Variants in RPS6KA6 observed in about 807,000 individuals in gnomAD.
The protein encoded by RPS6KA6 is ribosomal protein S6 kinase A6.
A neutral mutation model predicts 65.4 loss-of-function variants in RPS6KA6; 27 were observed. The observed-to-expected ratio is 0.41, with a 90% CI of 0.30 to 0.57. RPS6KA6 has a LOEUF of 0.57. Among genes scored for constraint, RPS6KA6 ranks in the 20% least tolerant of loss-of-function variants. The pLI, the probability that RPS6KA6 is intolerant of heterozygous loss-of-function variation, is 0.24. For missense variants in RPS6KA6, 486 were observed against 555.6 expected (o/e 0.87, Z 1.26); for synonymous variants, 190 against 184.2 (o/e 1.03, Z -0.26).
intron 12 of RPS6KA6, among the ~76,000 whole-genome samples, chrX:84,109,830 T>C (rs1227771705): frequency 9.0e-5 from 10 of 111,058 alleles, no homozygotes; most frequent in Admixed American, 5.7e-4. Flanking sequence ...ACAGGACTCA[T>C]ACATGCTGTC....
intron 2 of RPS6KA6, among the ~76,000 whole-genome samples, chrX:84,161,205 T>C (rs2074223369): frequency 1.8e-5 from 2 of 111,450 alleles, no homozygotes. Flanking sequence ...ACTTTCAACT[T>C]ACAGTGAGTT....
At chrX:84,094,549 G>A (rs2034115181) in intron 20 of RPS6KA6, among the ~76,000 whole-genome samples, 1 of 109,982 alleles carries the variant, frequency 9.1e-6, no homozygotes, top group African/African-American at 3.3e-5. Context: ...GGAGGCTGAG[G>A]CAGGAGAATG....
At chrX:84,108,966 T>C (rs1342895078) in intron 12 of RPS6KA6, among the ~76,000 whole-genome samples, 1 of 112,064 alleles carries the variant, frequency 8.9e-6, no homozygotes, top group Non-Finnish European at 1.9e-5. Context: ...TACATGTATA[T>C]ACTGGCCACA....
chrX:84,182,953 C>A (rs2035879350), intron 1 of RPS6KA6, among the ~76,000 whole-genome samples: 2 of 111,952 alleles, frequency 1.8e-5, no homozygotes, highest in Admixed American at 1.9e-4. Flanking sequence ...GGCCTAAGGC[C>A]CATTTAAAAA....
Position 84,063,841 on chromosome X carries a change from C to G in RPS6KA6, c.*436G>C, listed in dbSNP as rs1382299993. The G allele has an allele frequency of 2.7e-5, 3 of 111,849 alleles. No individual in the cohort carries two copies. Among genetic ancestry groups the G allele is most frequent in the Non-Finnish European group, 5.6e-5 (3 of 53,338 alleles). 9.2% of individuals were successfully genotyped at this position (111,849 alleles called of 1,213,427 possible). A position where few individuals can be genotyped will look rare whatever the true frequency, so the allele number is the denominator to read the frequency against. On this transcript the variant is annotated 3_prime_UTR_variant, in exon 22 of 22. Coordinates refer to ENST00000262752, the MANE Select transcript of RPS6KA6 (RefSeq NM_014496.5). The stretch of plus-strand genomic sequence containing the variant: ...TTTATAATAAGTTTTTGTTGTTTTT[C>G]TTTCATTAGAAAAAGCCTATCCTTC...
At chrX:84,090,223 C>T (rs919021623) in intron 20 of RPS6KA6, among the ~76,000 whole-genome samples, 3 of 111,791 alleles carry the variant, frequency 2.7e-5, no homozygotes, top group African/African-American at 9.8e-5. Flanking sequence ...TTCAGCAACA[C>T]CTGCTCTGAT....
chrX:84,161,671 G>T lies in RPS6KA6; in HGVS notation c.141+2657C>A, dbSNP rs1602476190. Among the ~76,000 whole-genome samples the T allele has an allele frequency of 2.7e-5, 3 of 111,574 alleles. 1 individual carries two copies. The Admixed American group carries it at 2.9e-4, about 11-fold the overall frequency. On this transcript the variant is annotated intron_variant, in intron 2 of 21. Transcript: ENST00000262752. ...CACTTGTAAAAAAGTATTTTTGAAAGAATTCTTAACAGACACATGTCAAGA... is the reference window on the plus strand; with the variant it reads ...CACTTGTAAAAAAGTATTTTTGAAATAATTCTTAACAGACACATGTCAAGA...
intron 18 of RPS6KA6, 150 bp downstream of exon 18, chrX:84,101,887 G>A (rs989539845): frequency 5.1e-6 from 2 of 389,627 alleles, no homozygotes; most frequent in South Asian, 8.7e-5. Flanking sequence ...TATATTAGGG[G>A]CTATGAGAAT....
chrX:84,140,733 CA>C (rs776505772), intron 6 of RPS6KA6, among the ~76,000 whole-genome samples: 1,465 of 41,478 alleles, frequency 0.035, 13 homozygotes, highest in East Asian at 0.079. Context: ...GACTCCATCT[CA>C]AAAAAAAAAA....
chrX:84,102,160 G>A lies in RPS6KA6; in HGVS notation c.1653C>T (p.Tyr551=). 1 of 1,169,439 alleles carries A rather than the reference G, an allele frequency of 8.6e-7. No homozygotes were observed. Among genetic ancestry groups the A allele is most frequent in the Non-Finnish European group, 1.1e-6 (1 of 870,127 alleles). The change falls in exon 18 of 22, where the codon TAC becomes TAT. Residue 551 remains tyrosine, a synonymous_variant. Coordinates refer to ENST00000262752, the MANE Select transcript of RPS6KA6 (RefSeq NM_014496.5). ...HRDLKPSNIL[Y]MDESASADSI... is the part of the protein sequence containing the mutation. ...AATCTGCACTGGCTGATTCATCCATGTATAAAATATTACTAGGTTTAAGAT... is the reference window on the plus strand; with the variant it reads ...AATCTGCACTGGCTGATTCATCCATATATAAAATATTACTAGGTTTAAGAT...
chrX:84,097,872 T>C (rs2034187419), intron 18 of RPS6KA6, 24 bp from the exon 19 acceptor site: 1 of 1,060,886 alleles, frequency 9.4e-7, no homozygotes, highest in Non-Finnish European at 1.3e-6. Flanking sequence ...ACTCATTATA[T>C]GGTGTTACTC....
chrX:84,150,913 AG>A (rs2035297542), intron 3 of RPS6KA6, among the ~76,000 whole-genome samples: 1 of 95,031 alleles, frequency 1.1e-5, no homozygotes, highest in African/African-American at 3.8e-5. Context: ...ATATATAGAG[AG>A]GATATATATA....
At chrX:84,161,757 C>T (rs1362489130) in intron 2 of RPS6KA6, among the ~76,000 whole-genome samples, 2 of 111,509 alleles carry the variant, frequency 1.8e-5, no homozygotes, top group East Asian at 5.6e-4. Context: ...CATTGTTTTT[C>T]AAAATATACA....
chrX:84,111,099 A>G (rs1231100276), intron 12 of RPS6KA6, among the ~76,000 whole-genome samples: 1 of 108,835 alleles, frequency 9.2e-6, no homozygotes, highest in Admixed American at 9.9e-5. Flanking sequence ...CATAAGAAAT[A>G]ATTTTGAGCA....
intron 10 of RPS6KA6, 88 bp from the exon 11 acceptor site, chrX:84,117,236 T>C: frequency 1.3e-6 from 1 of 762,703 alleles, no homozygotes; most frequent in Non-Finnish European, 1.9e-6. Flanking sequence ...AAAAGTGCTT[T>C]TACAAGGGTA....
chrX:84,078,636 T>C (rs1479999598), intron 20 of RPS6KA6, among the ~76,000 whole-genome samples: 3 of 111,852 alleles, frequency 2.7e-5, no homozygotes, highest in Non-Finnish European at 5.6e-5. Context: ...TTCAACAACA[T>C]AGATAAATCT....
At chrX:84,122,577 A>G (rs1488475336) in intron 8 of RPS6KA6, among the ~76,000 whole-genome samples, 1 of 108,549 alleles carries the variant, frequency 9.2e-6, no homozygotes, top group Admixed American at 9.9e-5. Flanking sequence ...CAGATGATCC[A>G]TCCACCTCGG....
At chrX:84,181,087 T>C (rs2035845704) in intron 1 of RPS6KA6, among the ~76,000 whole-genome samples, 1 of 111,724 alleles carries the variant, frequency 9.0e-6, no homozygotes, top group Admixed American at 9.5e-5. Flanking sequence ...GATTCCAACG[T>C]TTTTTCAGGT....
intron 1 of RPS6KA6, among the ~76,000 whole-genome samples, chrX:84,179,702 G>C (rs1296327446): frequency 1.8e-5 from 2 of 111,439 alleles, no homozygotes; most frequent in Non-Finnish European, 3.8e-5. Context: ...CACAATAAAT[G>C]TTTTATGATT....
Sources: gnomAD v4.1 joint callset for allele counts (sites outside exome capture counted in the v4.1 genomes callset) on GRCh38, gnomAD v4.1.1 for gene constraint, MANE v1.5 for transcripts, NCBI Gene and HGNC (gene_info 2026-07-23, HGNC 2026-07-21) for gene names.